STARD13: variants seen among roughly 807,000 people sequenced by gnomAD.
STARD13 encodes stAR-related lipid transfer protein 13.
Under a neutral mutation model 106.4 loss-of-function variants are expected in STARD13, and 62 were observed. That is an observed-to-expected ratio of 0.58 (90% CI 0.48 to 0.72). The LOEUF is 0.72. Ranked by LOEUF, STARD13 falls within the 30% of genes least tolerant of loss-of-function variation. STARD13 has a pLI of 0.00. For missense variants in STARD13, 1,387 were observed against 1,424.0 expected (o/e 0.97, Z 0.42); for synonymous variants, 565 against 553.0 (o/e 1.02, Z -0.31).
Position 33,129,958 on chromosome 13 carries a change from A to G in STARD13, c.719T>C (p.Leu240Pro), listed in dbSNP as rs142972562. The G allele has an allele frequency of 3.7e-6, 6 of 1,613,270 alleles. No homozygotes were observed. Among genetic ancestry groups the G allele is most frequent in the Non-Finnish European group, 3.4e-6 (4 of 1,179,908 alleles). ...SSLPQPPRDV[L>P]NHPFHPKNEK... is the part of the protein sequence containing the mutation. ...ATTCTTGGGGTGGAAGGGGTGGTTG[A>G]GGACATCTCTGGGGGGCTGTGGGAG... is the stretch of plus-strand genomic sequence containing the variant. The change falls in exon 5 of 14, where the codon CTC becomes CCC. Residue 240 changes from leucine to proline, a missense_variant. Transcript: ENST00000336934.
chr13:33,627,210 C>A, the STARD13 span, among the ~76,000 whole-genome samples: 1 of 152,184 alleles, frequency 6.6e-6, no homozygotes, highest in African/African-American at 2.4e-5. Flanking sequence ...TTTATCTATT[C>A]TTTCATTAGC....
intron 1 of STARD13, among the ~76,000 whole-genome samples, chr13:33,315,816 T>C (rs989727852): frequency 2.0e-5 from 3 of 152,118 alleles, no homozygotes; most frequent in African/African-American, 7.2e-5. Flanking sequence ...TAAACAAAAA[T>C]GTCAGTTGGA....
At chr13:33,467,599 T>G in the STARD13 span, among the ~76,000 whole-genome samples, 1 of 152,136 alleles carries the variant, frequency 6.6e-6, no homozygotes, top group South Asian at 2.1e-4. Context: ...CTAAATCTTT[T>G]CCAGGTTGCC....
At chr13:33,499,052 C>G in the STARD13 span, among the ~76,000 whole-genome samples, 12 of 152,152 alleles carry the variant, frequency 7.9e-5, no homozygotes. Context: ...GCAGGAGAAT[C>G]ACTTGAACCC....
exon 2 of STARD13, chr13:33,348,942 G>A: frequency 1.8e-6 from 1 of 568,834 alleles, no homozygotes; most frequent in East Asian, 2.9e-5. Flanking sequence ...AATTTAGCTT[G>A]CTAGTGACCT....
chr13:33,212,938 G>A (rs1396447979), intron 1 of STARD13, among the ~76,000 whole-genome samples: 1 of 152,130 alleles, frequency 6.6e-6, no homozygotes, highest in African/African-American at 2.4e-5. Flanking sequence ...AAACCATCAT[G>A]TTTTTAGATC....
In STARD13 at chr13:33,126,148, G is replaced by C; in HGVS notation, c.2015C>G (p.Thr672Arg). ...AATACTTTGAGGCAGGGGCTGTCCCGTTCTTTGGACGTGGACTATGAGAGG... is the reference window on the plus strand; with the variant it reads ...AATACTTTGAGGCAGGGGCTGTCCCCTTCTTTGGACGTGGACTATGAGAGG... ...GVPLIVHVQR[T>R]GQPLPQSIQQ... Residue 672 changes from threonine (T) to arginine (R), a missense_variant, in exon 7 of 14, where the codon ACG becomes AGG. Transcript: ENST00000336934. The C allele has an allele frequency of 1.2e-6, 2 of 1,614,152 alleles. No homozygotes were observed. The highest frequency in any genetic ancestry group is 1.1e-5 in the South Asian group (1 of 91,076).
chr13:33,356,551 G>A, the STARD13 span, among the ~76,000 whole-genome samples: 2 of 152,170 alleles, frequency 1.3e-5, no homozygotes, highest in Non-Finnish European at 2.9e-5. Context: ...ATCTCCATAA[G>A]TTACCCATTT....
the STARD13 span, among the ~76,000 whole-genome samples, chr13:33,445,216 TG>T: frequency 1.3e-5 from 2 of 152,242 alleles, no homozygotes; most frequent in Admixed American, 6.5e-5. Flanking sequence ...AATGCCCTCA[TG>T]TTAACCTTTA....
chr13:33,396,729 T>G, the STARD13 span, among the ~76,000 whole-genome samples: 1 of 152,328 alleles, frequency 6.6e-6, no homozygotes, highest in African/African-American at 2.4e-5. Flanking sequence ...AATTGTATAA[T>G]TGATACTGGA....
intron 1 of STARD13, among the ~76,000 whole-genome samples, chr13:33,312,239 C>G (rs954497139): frequency 1.3e-5 from 2 of 152,190 alleles, no homozygotes; most frequent in Non-Finnish European, 2.9e-5. Context: ...TAAAGAGAAA[C>G]AAGTCATTGT....
chr13:33,638,759 T>C, the STARD13 span, among the ~76,000 whole-genome samples: 2 of 152,222 alleles, frequency 1.3e-5, no homozygotes, highest in African/African-American at 4.8e-5. Context: ...CGTCCTGAAC[T>C]AGTTTTTTGG....
intron 3 of STARD13, among the ~76,000 whole-genome samples, chr13:33,146,536 AT>A (rs1880568810): frequency 6.6e-6 from 1 of 152,200 alleles, no homozygotes; most frequent in Non-Finnish European, 1.5e-5. Flanking sequence ...ATAGCTGTAC[AT>A]TTCACAAAAT....
intron 1 of STARD13, among the ~76,000 whole-genome samples, chr13:33,350,000 C>T (rs1322305285): frequency 9.6e-6 from 1 of 103,702 alleles, no homozygotes. Flanking sequence ...AAAGGCCGCC[C>T]GGGGGCAGCC....
chr13:33,139,179 C>A (rs555646775), intron 4 of STARD13, among the ~76,000 whole-genome samples: 1 of 152,146 alleles, frequency 6.6e-6, no homozygotes, highest in Non-Finnish European at 1.5e-5. Context: ...AAACATGAGA[C>A]CCTTGCAGGT....
rs940151616 is a variant in STARD13, at chr13:33,182,353, G to C, written c.170-14731C>G. Among the ~76,000 whole-genome samples the C allele has an allele frequency of 8.5e-5, 13 of 152,070 alleles. 1 individual carries two copies. The highest frequency in any genetic ancestry group is 3.1e-4 in the African/African-American group (13 of 41,394). On this transcript the variant is annotated intron_variant, in intron 1 of 13. Transcript: ENST00000336934. ...CAGTTCTATGAGTCTGACACTTGAGGGTCTTCTTAGATTCATTCTGTCTCT... is the reference window on the plus strand; with the variant it reads ...CAGTTCTATGAGTCTGACACTTGAGCGTCTTCTTAGATTCATTCTGTCTCT...
At chr13:33,402,727 T>C in the STARD13 span, among the ~76,000 whole-genome samples, 349 of 152,246 alleles carry the variant, frequency 2.3e-3, no homozygotes, top group African/African-American at 8.2e-3. Context: ...TGGAACAACA[T>C]GGCAGAGAAA....
chr13:33,649,191 T>TATTTTG, the STARD13 span, among the ~76,000 whole-genome samples: 1 of 152,190 alleles, frequency 6.6e-6, no homozygotes, highest in Non-Finnish European at 1.5e-5. Context: ...GTAGTTATTG[T>TATTTTG]ATTTTGTTTG....
intron 1 of STARD13, among the ~76,000 whole-genome samples, chr13:33,273,716 G>C (rs1299428411): frequency 1.3e-5 from 2 of 152,168 alleles, no homozygotes; most frequent in African/African-American, 2.4e-5. Context: ...ATTAGTACGA[G>C]AGCTTAGTTT....
Sources: allele counts gnomAD v4.1 joint callset (sites outside exome capture counted in the v4.1 genomes callset), GRCh38; gene constraint gnomAD v4.1.1; transcripts MANE v1.5; gene names NCBI Gene and HGNC (gene_info 2026-07-23, HGNC 2026-07-21).